Variants in GRID2IP observed in about 807,000 individuals in gnomAD.
GRID2IP encodes Grid2 interacting protein, also known as delphilin.
Under a neutral mutation model 114.3 loss-of-function variants are expected in GRID2IP, and 78 were observed. The observed-to-expected ratio is 0.68, with a 90% CI of 0.57 to 0.82. The LOEUF (loss-of-function observed/expected upper bound fraction) is 0.82. Among genes scored for constraint, GRID2IP ranks in the 40% least tolerant of loss-of-function variants. GRID2IP has a pLI of 0.00. For missense variants in GRID2IP, 1,727 were observed against 1,678.5 expected (o/e 1.03, Z -0.51); for synonymous variants, 809 against 724.0 (o/e 1.12, Z -1.89).
chr7:6,502,898 C>A, intron 17 of GRID2IP, 26 bp from the exon 18 acceptor site: 1 of 1,541,262 alleles, frequency 6.5e-7, no homozygotes, highest in Non-Finnish European at 8.8e-7. Context: ...TGGGTAGGTC[C>A]TGTCCTCACC....
rs1779551068 is a variant in GRID2IP at position 6,528,095 on chromosome 7, C to T, written c.585-1326G>A. 6.6e-6 allele frequency among the ~76,000 whole-genome samples: 1 copy of T among 151,772 alleles called. No individual in the cohort carries two copies. The highest frequency in any genetic ancestry group is 1.5e-5 in the Non-Finnish European group (1 of 67,962). The stretch of plus-strand genomic sequence containing the variant: ...TAATTTTTTTTGTAGAGATGAGGCT[C>T]TATGTTGCCCAGGCTGGTCTCAAAC... On this transcript the variant is annotated intron_variant, in intron 2 of 21. Coordinates refer to ENST00000457091, the MANE Select transcript of GRID2IP (RefSeq NM_001145118.2). The surrounding 1 kb of genome is among the most constrained non-coding windows in gnomAD (Gnocchi z 6.0).
intron 1 of GRID2IP, 28 bp downstream of exon 1, chr7:6,550,980 G>GAGCCCC: frequency 5.5e-6 from 3 of 550,066 alleles, no homozygotes; most frequent in Non-Finnish European, 7.0e-6. Flanking sequence ...CCTCCTTCCC[G>GAGCCCC]CCCCCACCTC....
chr7:6,498,288 TG>T (rs1786316218), intron 20 of GRID2IP, 60 bp from the exon 21 acceptor site: 3 of 1,451,632 alleles, frequency 2.1e-6, no homozygotes, highest in African/African-American at 2.9e-5. Context: ...TCTCAGGTGG[TG>T]GCCCGACAGA....
At position 6,551,387 on chromosome 7, in the gene GRID2IP, A is replaced by C; in HGVS notation, c.50T>G (p.Phe17Cys). The C allele has an allele frequency of 6.5e-7, 1 of 1,547,920 alleles. No individual in the cohort carries two copies. Residue 17 changes from phenylalanine to cysteine, a missense_variant, in exon 1 of 22, where the codon TTT (phenylalanine) becomes TGT (cysteine). By Grantham distance (205) the Phe-to-Cys change is radical (BLOSUM62 -2). Coordinates refer to ENST00000457091, the MANE Select transcript of GRID2IP (RefSeq NM_001145118.2). ...PATNQGWPEDFGFRLGGSGPC... is the reference protein window; with the variant it reads ...PATNQGWPEDCGFRLGGSGPC... ...GCCAGAGCCACCTAGCCGGAAGCCA[A>C]AGTCCTCTGGCCAGCCCTGGTTCGT...
intron 2 of GRID2IP, among the ~76,000 whole-genome samples, chr7:6,531,651 A>G (rs1175274171): frequency 1.3e-5 from 2 of 152,194 alleles, no homozygotes; most frequent in Admixed American, 1.3e-4. Context: ...GGCATATACC[A>G]TCATGCCTGG....
intron 1 of GRID2IP, among the ~76,000 whole-genome samples, chr7:6,546,001 G>C (rs1296534315): frequency 6.6e-6 from 1 of 152,100 alleles, no homozygotes; most frequent in East Asian, 1.9e-4. Context: ...CCGTGCTACA[G>C]TGCGGTTTCG....
chr7:6,499,499 C>T (rs556260202), intron 20 of GRID2IP, among the ~76,000 whole-genome samples: 7 of 152,264 alleles, frequency 4.6e-5, no homozygotes, highest in African/African-American at 1.2e-4. Context: ...GGCATGATCT[C>T]GGCTTACTGC....
At chr7:6,518,702 C>T (rs1197679234) in intron 7 of GRID2IP, among the ~76,000 whole-genome samples, 1 of 151,920 alleles carries the variant, frequency 6.6e-6, no homozygotes, top group African/African-American at 2.4e-5. Flanking sequence ...CGCCACTGTA[C>T]TCCAGCCTGA....
At chr7:6,542,763 A>T (rs1236891653) in intron 1 of GRID2IP, among the ~76,000 whole-genome samples, 1 of 152,186 alleles carries the variant, frequency 6.6e-6, no homozygotes, top group Admixed American at 6.6e-5. Flanking sequence ...GATGGTAGTG[A>T]TGGGTGTTAC....
chr7:6,520,730 C>A lies in GRID2IP; in HGVS notation c.1116G>T (p.Ser372=), dbSNP rs748934665. 6.4e-7 allele frequency: 1 copy of A among 1,551,558 alleles called. No homozygotes were observed. The highest frequency in any genetic ancestry group is 1.4e-5 in the African/African-American group (1 of 73,168). The change falls in exon 7 of 22, where the codon TCG becomes TCT. Residue 372 remains serine (S), a synonymous_variant. Coordinates refer to ENST00000457091, the MANE Select transcript of GRID2IP (RefSeq NM_001145118.2). The surrounding 1 kb of genome is among the most constrained non-coding windows in gnomAD (Gnocchi z 4.6). The part of the protein sequence containing the change: ...DSDSLDSPNP[S]SALTSLQWVA... ...CCCACTGCAGGGAGGTGAGCGCCGA[C>A]GACGGGTTGGGTGAGTCCAGAGAAT...
Position 6,530,850 on chromosome 7 carries a change from T to C in GRID2IP, c.585-4081A>G, listed in dbSNP as rs959456758. 2.0e-5 allele frequency among the ~76,000 whole-genome samples: 3 copies of C among 152,246 alleles called. No homozygotes were observed. In the South Asian group the frequency reaches 6.2e-4, roughly 31 times the overall value. ...ACTCTTTAGGGCCACGCACGGGTTC[T>C]GAGCGCCCAACGCTTAGACCTCGCC... On this transcript the variant is annotated intron_variant, in intron 2 of 21. Transcript: ENST00000457091.
chr7:6,513,408 C>T (rs970412790), intron 8 of GRID2IP, among the ~76,000 whole-genome samples: 2 of 148,372 alleles, frequency 1.3e-5, no homozygotes, highest in East Asian at 2.0e-4. Context: ...TTGGTAGAGA[C>T]AGGCTCTTGC....
At chr7:6,522,759 C>A (rs1779436192) in intron 4 of GRID2IP, among the ~76,000 whole-genome samples, 1 of 151,700 alleles carries the variant, frequency 6.6e-6, no homozygotes, top group Non-Finnish European at 1.5e-5. Flanking sequence ...TATTCTCCCA[C>A]CTCAGCCTCC....
chr7:6,505,986 G>T, intron 13 of GRID2IP, 79 bp from the exon 14 acceptor site: 1 of 991,760 alleles, frequency 1.0e-6, no homozygotes, highest in Non-Finnish European at 1.5e-6. Context: ...CCCTCTGAGG[G>T]CTGCCATAGG....
chr7:6,546,596 C>G (rs2115102507), intron 1 of GRID2IP, among the ~76,000 whole-genome samples: 1 of 150,192 alleles, frequency 6.7e-6, no homozygotes, highest in East Asian at 2.0e-4. Context: ...AGATAGAAAA[C>G]CAACTGGGCT....
At chr7:6,545,203 C>T (rs181792200) in intron 1 of GRID2IP, among the ~76,000 whole-genome samples, 20 of 152,156 alleles carry the variant, frequency 1.3e-4, no homozygotes, top group South Asian at 8.3e-4. Context: ...CTCTTGTGCC[C>T]GGGAAATCAA....
rs923765637 is a variant in GRID2IP at position 6,532,600 on chromosome 7, C to T, written c.585-5831G>A. Among the ~76,000 whole-genome samples the T allele has an allele frequency of 6.6e-6, 1 of 152,192 alleles. No individual in the cohort carries two copies. The highest frequency in any genetic ancestry group is 1.5e-5 in the Non-Finnish European group (1 of 68,038). On this transcript the variant is annotated intron_variant, in intron 2 of 21. Coordinates refer to ENST00000457091, the MANE Select transcript of GRID2IP (RefSeq NM_001145118.2). The surrounding 1 kb of genome is among the most constrained non-coding windows in gnomAD (Gnocchi z 4.4). ...CAGTGCCCACTCATGCCGTGCCCTC[C>T]CCAAGCCCTGTCCTCAGCCCTGCAA...
At chr7:6,549,174 C>T (rs961499022) in intron 1 of GRID2IP, among the ~76,000 whole-genome samples, 2 of 152,144 alleles carry the variant, frequency 1.3e-5, no homozygotes, top group African/African-American at 4.8e-5. Context: ...ATGTCACGTC[C>T]CAGGTTTCTT....
rs371155207 is a variant in GRID2IP at position 6,510,971 on chromosome 7, G to T, written c.1492C>A (p.Arg498=). 6.5e-7 allele frequency: 1 copy of T among 1,544,910 alleles called. No homozygotes were observed. The highest frequency in any genetic ancestry group is 8.7e-7 in the Non-Finnish European group (1 of 1,143,812). The change falls in exon 9 of 22, where the codon CGG becomes AGG. Residue 498 remains arginine, a synonymous_variant. Coordinates refer to ENST00000457091, the MANE Select transcript of GRID2IP (RefSeq NM_001145118.2). ...CTGCGGCGGCACATGGAGGAAGCCC[G>T]CAGGGAGCTCCGCGGCTGGGGCTCA... ...TPEPQPRSSL[R]ASSMCRRSLR...
Sources: allele counts gnomAD v4.1 joint callset (sites outside exome capture counted in the v4.1 genomes callset), GRCh38; gene constraint gnomAD v4.1.1; non-coding constraint Gnocchi (gnomAD v3.1); transcripts MANE v1.5; gene names NCBI Gene and HGNC (gene_info 2026-07-23, HGNC 2026-07-21).